Variants in INPP4B observed in about 807,000 individuals in gnomAD.
INPP4B encodes the protein inositol polyphosphate 4-phosphatase type II.
INPP4B carries 55 observed loss-of-function variants against 122.5 expected under a neutral mutation model. That is an observed-to-expected ratio of 0.45 (90% confidence interval 0.36 to 0.56). The LOEUF (loss-of-function observed/expected upper bound fraction) is 0.56. INPP4B is among the 20% of genes least tolerant of loss of function. INPP4B has a pLI of 0.00. For missense variants in INPP4B, 1,000 were observed against 1,097.7 expected, an observed-to-expected ratio of 0.91 and a Z score of 1.26; for synonymous variants, 403 against 388.7, an observed-to-expected ratio of 1.04 and a Z score of -0.43.
At chr4:142,575,194 C>T (rs1326335984) in intron 2 of INPP4B, among the ~76,000 whole-genome samples, 1 of 151,236 alleles carries the variant, frequency 6.6e-6, no homozygotes, top group Non-Finnish European at 1.5e-5. Flanking sequence ...ACCCATAGTG[C>T]CGTGAAATCA....
At chr4:142,560,812 C>T (rs28758225) in intron 2 of INPP4B, 4,442 of 152,434 alleles carry the variant, frequency 0.029, 212 homozygotes, top group African/African-American at 0.1. Context: ...CCCAGTCCAC[C>T]GACTCAAATG....
At chr4:142,355,363 T>C (rs1193077894) in intron 7 of INPP4B, among the ~76,000 whole-genome samples, 1 of 151,770 alleles carries the variant, frequency 6.6e-6, no homozygotes, top group African/African-American at 2.4e-5. Context: ...AGATTTGCTC[T>C]TTTTTTTCCC....
chr4:142,340,819 A>G (rs1345601965), intron 7 of INPP4B, among the ~76,000 whole-genome samples: 1 of 152,144 alleles, frequency 6.6e-6, no homozygotes, highest in East Asian at 1.9e-4. Context: ...AAGCCCCTAG[A>G]GCAGGCCTCT....
At chr4:142,442,881 A>T (rs569833082) in intron 3 of INPP4B, among the ~76,000 whole-genome samples, 1 of 152,308 alleles carries the variant, frequency 6.6e-6, no homozygotes, top group South Asian at 2.1e-4. Flanking sequence ...CTTCACAATC[A>T]TGGTGGAAGG....
chr4:142,613,077 C>T (rs779180571), intron 2 of INPP4B, among the ~76,000 whole-genome samples: 4 of 152,046 alleles, frequency 2.6e-5, no homozygotes, highest in South Asian at 2.1e-4. Flanking sequence ...GCTAGAGATC[C>T]GGCTGCTGCT....
chr4:142,486,078 C>T lies in INPP4B; in HGVS notation c.-190-23352G>A, dbSNP rs140342796. On this transcript the variant is annotated intron_variant, in intron 2 of 25. Coordinates refer to ENST00000262992, the MANE Select transcript of INPP4B (RefSeq NM_001101669.3). ...GCTGAATGAGGAAGACAAGAAGTGC[C>T]GATTCACAAGAGGAAAGGATCCTAG... is the stretch of plus-strand genomic sequence containing the variant. 3.9e-4 allele frequency among the ~76,000 whole-genome samples: 60 copies of T among 152,092 alleles called. No individual in the cohort carries two copies. The East Asian group carries it at 0.011, about 27-fold the overall frequency.
chr4:142,625,269 G>A (rs1746077793), intron 2 of INPP4B, among the ~76,000 whole-genome samples: 1 of 151,980 alleles, frequency 6.6e-6, no homozygotes, highest in South Asian at 2.1e-4. Context: ...AAGCTGATAA[G>A]CAACTTCAGC....
At position 142,123,424 on chromosome 4, in the gene INPP4B, A is replaced by G. The variant is rs747560748; in HGVS notation, c.1894-9T>C. On this transcript the variant is annotated splice_polypyrimidine_tract_variant and intron_variant, in intron 19 of 25. Transcript: ENST00000262992. The stretch of plus-strand genomic sequence containing the variant: ...CAAACCAATCCAGCAAGCTGAAAAA[A>G]AAATATTGATGAGATTTACTGCAGT... 1.9e-6 allele frequency: 3 copies of G among 1,608,308 alleles called. No homozygotes were observed. The South Asian group carries it at 3.3e-5, about 18-fold the overall frequency.
chr4:142,383,838 TATG>T (rs1795036643), intron 7 of INPP4B: 1 of 466,698 alleles, frequency 2.1e-6, no homozygotes, highest in African/African-American at 2.0e-5. Context: ...TGACTTTATT[TATG>T]ATGTTTTGTG....
rs1287535075 is a variant in INPP4B, at chr4:142,173,638, T to A, written c.1353A>T (p.Ser451=). 6.2e-7 allele frequency: 1 copy of A among 1,610,936 alleles called. No individual in the cohort carries two copies. Among genetic ancestry groups the A allele is most frequent in the East Asian group, 2.2e-5 (1 of 44,800 alleles). ...DSLKNSLKML[S]EKTELFVHAF... The stretch of plus-strand genomic sequence containing the variant: ...GTGATGATTTGGATCTTACTTTTTC[T>A]GAAAGCATCTTTAAAGAATTCTTCA... The change falls in exon 16 of 26, where the codon TCA becomes TCT. Residue 451 remains serine (S), a synonymous_variant. Transcript: ENST00000262992.
intron 9 of INPP4B, among the ~76,000 whole-genome samples, chr4:142,292,843 TCTTGTA>T (rs1039090547): frequency 1.3e-5 from 2 of 152,190 alleles, no homozygotes; most frequent in African/African-American, 4.8e-5. Flanking sequence ...CTTTTGTTTT[TCTTGTA>T]TAATGTTTTT....
chr4:142,068,441 A>G (rs1466441246), intron 25 of INPP4B, among the ~76,000 whole-genome samples: 3 of 152,210 alleles, frequency 2.0e-5, no homozygotes, highest in Non-Finnish European at 4.4e-5. Flanking sequence ...CAAAATAACC[A>G]GCTAACATCA....
intron 2 of INPP4B, among the ~76,000 whole-genome samples, chr4:142,579,087 T>C (rs544861448): frequency 2.0e-5 from 3 of 152,174 alleles, no homozygotes; most frequent in Admixed American, 2.0e-4. Context: ...TTCATTTATT[T>C]AATAGAATAG....
intron 2 of INPP4B, among the ~76,000 whole-genome samples, chr4:142,553,753 C>T (rs767565718): frequency 2.0e-5 from 3 of 152,178 alleles, no homozygotes; most frequent in Non-Finnish European, 4.4e-5. Context: ...CTGGTCCCAA[C>T]CCCCAAATAA....
Position 142,042,269 on chromosome 4 carries a change from G to A in INPP4B, c.2643-13355C>T, listed in dbSNP as rs937839461. Among the ~76,000 whole-genome samples the A allele has an allele frequency of 3.3e-4, 50 of 152,090 alleles. 1 individual carries two copies. The highest frequency in any genetic ancestry group is 1.2e-3 in the African/African-American group (49 of 41,418). On this transcript the variant is annotated intron_variant, in intron 25 of 25. Transcript: ENST00000262992. ...GCATAGTAAAAATACTTCCCGAAGA[G>A]CTTCCATGGAATCAAAATTCAGCTG...
At chr4:142,815,529 G>A (rs773578658) in intron 1 of INPP4B, among the ~76,000 whole-genome samples, 1 of 151,814 alleles carries the variant, frequency 6.6e-6, no homozygotes, top group Non-Finnish European at 1.5e-5. Flanking sequence ...AGAGGTTTCC[G>A]TCTAAAAAAA....
chr4:142,612,423 T>C (rs560563511), intron 2 of INPP4B, among the ~76,000 whole-genome samples: 10 of 152,316 alleles, frequency 6.6e-5, no homozygotes, highest in African/African-American at 2.2e-4. Flanking sequence ...TCTTAGTCCT[T>C]CTTGGCTATT....
In INPP4B at chr4:142,155,557, C is replaced by T. The variant is rs146558006; in HGVS notation, c.1563+4801G>A. Among the ~76,000 whole-genome samples the T allele has an allele frequency of 9.1e-4, 139 of 152,178 alleles. 1 individual carries two copies. Among genetic ancestry groups the T allele is most frequent in the African/African-American group, 3.2e-3 (133 of 41,536 alleles). ...TCCTGTCAAGCTTGGCCCCCTTATG[C>T]CTAGTGTTCCATTATTGGAATGCTA... On this transcript the variant is annotated intron_variant, in intron 17 of 25. Coordinates refer to ENST00000262992, the MANE Select transcript of INPP4B (RefSeq NM_001101669.3).
rs75180463 is a variant in INPP4B, at chr4:142,719,894, T to C, written c.-191+5945A>G. The stretch of plus-strand genomic sequence containing the variant: ...ATTTACTAAGTAAAAAGGGCACAGA[T>C]GTGGATGCCGAAAAATTAATACTAC... On this transcript the variant is annotated intron_variant, in intron 2 of 25. Coordinates refer to ENST00000262992, the MANE Select transcript of INPP4B (RefSeq NM_001101669.3). Among the ~76,000 whole-genome samples, 1,292 of 152,294 alleles carry C rather than the reference T, an allele frequency of 8.5e-3. 13 individuals carry two copies. Among genetic ancestry groups the C allele is most frequent in the African/African-American group, 0.028 (1,177 of 41,568 alleles).
Sources: allele counts gnomAD v4.1 joint callset (sites outside exome capture counted in the v4.1 genomes callset), GRCh38; gene constraint gnomAD v4.1.1; transcripts MANE v1.5; gene names NCBI Gene and HGNC (gene_info 2026-07-23, HGNC 2026-07-21).